The following HAUS3 variants were observed in gnomAD, a reference collection of about 807,000 sequenced individuals.
HAUS3 encodes HAUS augmin-like complex subunit 3.
HAUS3 carries 36 observed loss-of-function variants against 55.2 expected under a neutral mutation model. The observed-to-expected ratio is 0.65, with a 90% CI of 0.50 to 0.86. HAUS3 has a LOEUF of 0.86. HAUS3 is among the 40% of genes least tolerant of loss of function. The probability of loss-of-function intolerance (pLI) is 0.00; values close to 1 mark genes in which losing one functional copy is unlikely to be tolerated. For synonymous variants in HAUS3, 234 were observed against 238.6 expected (o/e 0.98, Z 0.18); for missense variants, 752 against 671.5 (o/e 1.12, Z -1.33).
At chr4:2,232,759 A>C (rs1175593086) in intron 5 of HAUS3, among the ~76,000 whole-genome samples, 1 of 152,208 alleles carries the variant, frequency 6.6e-6, no homozygotes, top group Non-Finnish European at 1.5e-5. Flanking sequence ...TTATTACAGT[A>C]AATTCAAATT....
rs1351779246 is a variant in HAUS3, at chr4:2,228,982, A to G, written c.*2945T>C. The G allele has an allele frequency of 9.8e-7, 1 of 1,017,838 alleles. No individual in the cohort carries two copies. Among genetic ancestry groups the G allele is most frequent in the Non-Finnish European group, 1.4e-6 (1 of 704,764 alleles). 63.1% of individuals were successfully genotyped at this position (1,017,838 alleles called of 1,614,324 possible). A position where few individuals can be genotyped will look rare whatever the true frequency, so the allele number is the denominator to read the frequency against. ...GCTCAGTCTGCACTGAATGAGTGTA[A>G]AAGGGGCGGGAGCTGGGCTTCATCT... On this transcript the variant is annotated 3_prime_UTR_variant, in exon 6 of 6. Transcript: ENST00000443786.
At position 2,238,762 on chromosome 4, in the gene HAUS3, C is replaced by T. The variant is rs746249743; in HGVS notation, c.1191G>A (p.Lys397=). Residue 397 remains lysine, a synonymous_variant, in exon 4 of 6, where the codon AAG becomes AAA. Coordinates refer to ENST00000443786, the MANE Select transcript of HAUS3 (RefSeq NM_001303143.2). ...CAAGTTGACGATATATGTCCCGATG[C>T]TTTCTTAATTCAATTTCATATGATA... ...LQLSYEIELR[K]HRDIYRQLEN... 2.2e-5 allele frequency: 36 copies of T among 1,613,758 alleles called. 1 individual carries two copies. In the Admixed American group the frequency reaches 5.7e-4, roughly 25 times the overall value.
rs1020239502 is a variant in HAUS3 at position 2,236,608 on chromosome 4, T to C, written c.1350-152A>G. On this transcript the variant is annotated intron_variant, in intron 4 of 5. Coordinates refer to ENST00000443786, the MANE Select transcript of HAUS3 (RefSeq NM_001303143.2). ...GTACAGTAGCTCACGCCTGTAATCCTAGCACTTTGGGAGGCCAAGGCGGGC... is the reference window on the plus strand; with the variant it reads ...GTACAGTAGCTCACGCCTGTAATCCCAGCACTTTGGGAGGCCAAGGCGGGC... 4 of 621,296 alleles carry C rather than the reference T, an allele frequency of 6.4e-6. No individual in the cohort carries two copies. In the African/African-American group the frequency reaches 7.4e-5, roughly 11 times the overall value. The allele number at this position is 621,296 out of a possible 1,614,324, so 38.5% of individuals were successfully genotyped here.
rs1734595282 is a variant in HAUS3 at position 2,231,971 on chromosome 4, A to C, written c.1768T>G (p.Leu590Val). The change falls in exon 6 of 6, where the codon TTA becomes GTA. Residue 590 changes from leucine to valine, a missense_variant. Coordinates refer to ENST00000443786, the MANE Select transcript of HAUS3 (RefSeq NM_001303143.2). ...EDYLKDIVEN[L>V]ETQSKIKAVS... ...GCCTTAATCTTTGATTGAGTTTCTAAATTCTCCACAATATCTTTCAGATAA... is the reference window on the plus strand; with the variant it reads ...GCCTTAATCTTTGATTGAGTTTCTACATTCTCCACAATATCTTTCAGATAA... The C allele has an allele frequency of 1.4e-6, 2 of 1,465,518 alleles. No individual in the cohort carries two copies. Among genetic ancestry groups the C allele is most frequent in the South Asian group, 2.4e-5 (2 of 82,420 alleles). The allele number at this position is 1,465,518 out of a possible 1,614,324, so 90.8% of individuals were successfully genotyped here.
At chr4:2,239,894 A>G in intron 3 of HAUS3, 144 bp downstream of exon 3, 2 of 655,886 alleles carry the variant, frequency 3.0e-6, no homozygotes, top group South Asian at 3.9e-5. Flanking sequence ...ACATTGACAC[A>G]GATCACAAAT....
intron 3 of HAUS3, 126 bp from the exon 4 acceptor site, chr4:2,239,169 T>C (rs749942773): frequency 1.9e-6 from 1 of 527,468 alleles, no homozygotes; most frequent in Non-Finnish European, 3.2e-6. Context: ...TAATTTAATA[T>C]TCATATAAAC....
intron 4 of HAUS3, among the ~76,000 whole-genome samples, chr4:2,237,334 G>C (rs1427003621): frequency 1.3e-5 from 2 of 151,454 alleles, no homozygotes; most frequent in Non-Finnish European, 2.9e-5. Context: ...TACTCAGGAA[G>C]TTGAGGCAGG....
chr4:2,235,382 G>A, intron 5 of HAUS3, among the ~76,000 whole-genome samples: 1 of 152,204 alleles, frequency 6.6e-6, no homozygotes, highest in East Asian at 1.9e-4. Context: ...AATAACAAGT[G>A]TTGGCAAAGA....
At chr4:2,235,950 C>A (rs1577797790) in intron 5 of HAUS3, among the ~76,000 whole-genome samples, 1 of 151,980 alleles carries the variant, frequency 6.6e-6, no homozygotes, top group African/African-American at 2.4e-5. Context: ...AAAAAAAATA[C>A]AGAGGCGGTT....
At chr4:2,233,105 TCA>T (rs1218451395) in intron 5 of HAUS3, among the ~76,000 whole-genome samples, 18 of 152,316 alleles carry the variant, frequency 1.2e-4, no homozygotes, top group Admixed American at 3.3e-4. Flanking sequence ...AAATGCCAAT[TCA>T]CAGAGGAGTA....
At position 2,229,054 on chromosome 4, in the gene HAUS3, C is replaced by A; in HGVS notation, c.*2873G>T. The A allele has an allele frequency of 6.6e-7, 1 of 1,523,414 alleles. No homozygotes were observed. Among genetic ancestry groups the A allele is most frequent in the Non-Finnish European group, 9.0e-7 (1 of 1,115,108 alleles). 94.4% of individuals were successfully genotyped at this position (1,523,414 alleles called of 1,614,324 possible). A position where few individuals can be genotyped will look rare whatever the true frequency, so the allele number is the denominator to read the frequency against. Reference sequence around the variant, plus strand: ...AATTCTTAGTCTTTAGAACAATTAACATTCAAAGTATCAAGAGAAAGAAAG... The same window carrying A: ...AATTCTTAGTCTTTAGAACAATTAAAATTCAAAGTATCAAGAGAAAGAAAG... On this transcript the variant is annotated 3_prime_UTR_variant, in exon 6 of 6. Transcript: ENST00000443786.
At chr4:2,241,874 C>CCGCCCCAGCTCCT (rs1735002560) in intron 1 of HAUS3, 84 bp from the exon 2 acceptor site, 1 of 985,416 alleles carries the variant, frequency 1.0e-6, no homozygotes, top group Non-Finnish European at 1.2e-6. Flanking sequence ...CGCACAGCCC[C>CCGCCCCAGCTCCT]CGCCCCAGCT....
At chr4:2,234,555 G>A (rs1005597464) in intron 5 of HAUS3, 5 of 153,056 alleles carry the variant, frequency 3.3e-5, no homozygotes, top group Middle Eastern at 9.7e-4. Flanking sequence ...GGTGGTAAAC[G>A]GGGACCTGGG....
At position 2,236,395 on chromosome 4, in the gene HAUS3, G is replaced by C. The variant is rs745416125; in HGVS notation, c.1411C>G (p.Leu471Val). ...TTCAATTTCTCAGCCACTTCCTCAA[G>C]GTTTCCATGAGTTAGAAACAATTCT... ...KKELFLTHGN[L>V]EEVAEKLKQN... The change falls in exon 5 of 6, where the codon CTT becomes GTT. Residue 471 changes from leucine (L) to valine (V), a missense_variant. Transcript: ENST00000443786. 4.3e-6 allele frequency: 7 copies of C among 1,613,660 alleles called. No individual in the cohort carries two copies. In the South Asian group the frequency reaches 7.7e-5, roughly 18 times the overall value.
At chr4:2,238,530 T>A (rs1300785650) in intron 4 of HAUS3, 74 bp downstream of exon 4, 2 of 975,250 alleles carry the variant, frequency 2.1e-6, no homozygotes, top group East Asian at 5.5e-5. Context: ...TCCAAAATTT[T>A]AGCTCAAACT....
At position 2,236,125 on chromosome 4, in the gene HAUS3, T is replaced by A. The variant is rs75270981; in HGVS notation, c.1578+103A>T. 3.9e-3 allele frequency: 2,529 copies of A among 648,082 alleles called. 41 individuals are homozygous for A. The highest frequency in any genetic ancestry group is 0.035 in the East Asian group (1,259 of 36,482). 40.1% of individuals were successfully genotyped at this position (648,082 alleles called of 1,614,324 possible). ...AGAAATATACTTTATATTAAGGCAATGAAATTGGGGTAATATTTTCCTCAT... is the reference window on the plus strand; with the variant it reads ...AGAAATATACTTTATATTAAGGCAAAGAAATTGGGGTAATATTTTCCTCAT... On this transcript the variant is annotated intron_variant, in intron 5 of 5. Coordinates refer to ENST00000443786, the MANE Select transcript of HAUS3 (RefSeq NM_001303143.2).
Position 2,241,215 on chromosome 4 carries a change from A to C in HAUS3, c.-147-122T>G, listed in dbSNP as rs1734974827. 1.4e-5 allele frequency: 5 copies of C among 352,930 alleles called. No homozygotes were observed. In the South Asian group the frequency reaches 1.9e-4, roughly 13 times the overall value. The allele number at this position is 352,930 out of a possible 1,614,324, so 21.9% of individuals were successfully genotyped here. On this transcript the variant is annotated intron_variant, in intron 2 of 5. Coordinates refer to ENST00000443786, the MANE Select transcript of HAUS3 (RefSeq NM_001303143.2). The stretch of plus-strand genomic sequence containing the variant: ...ATAAATGACAGGTAGTCGTAGCTGC[A>C]ATGTTTGATGATGATAAAGAGAAAC...
intron 4 of HAUS3, among the ~76,000 whole-genome samples, chr4:2,236,761 G>A (rs921595337): frequency 1.2e-4 from 18 of 151,880 alleles, no homozygotes; most frequent in African/African-American, 4.4e-4. Flanking sequence ...TACTCCGGAG[G>A]CTGAGGCAGG....
rs1734987936 is a variant in HAUS3, at chr4:2,241,533, C to A, written c.-161G>T. 1 of 985,708 alleles carries A rather than the reference C, an allele frequency of 1.0e-6. No individual in the cohort carries two copies. Among genetic ancestry groups the A allele is most frequent in the African/African-American group, 1.7e-5 (1 of 57,258 alleles). 61.1% of individuals were successfully genotyped at this position (985,708 alleles called of 1,614,324 possible). On this transcript the variant is annotated 5_prime_UTR_variant, in exon 2 of 6. Coordinates refer to ENST00000443786, the MANE Select transcript of HAUS3 (RefSeq NM_001303143.2). ...CTAAATATTTACCTCAACGTCTCGC[C>A]GGGCAAGGCTCCACCTCCAGAGTCC...
Sources: gnomAD v4.1 joint callset for allele counts (sites outside exome capture counted in the v4.1 genomes callset) on GRCh38, gnomAD v4.1.1 for gene constraint, MANE v1.5 for transcripts, NCBI Gene and HGNC (gene_info 2026-07-23, HGNC 2026-07-21) for gene names.